TRPC6: variants seen among roughly 807,000 people sequenced by gnomAD.
The protein encoded by TRPC6 is short transient receptor potential channel 6.
A neutral mutation model predicts 90.7 loss-of-function variants in TRPC6; 55 were observed. The ratio of observed to expected loss-of-function variants is 0.61; its 90% confidence interval spans 0.49 to 0.76. The LOEUF is 0.76. Among genes scored for constraint, TRPC6 ranks in the 30% least tolerant of loss-of-function variants. The pLI is 0.00. For missense variants in TRPC6, 989 were observed against 1,122.7 expected (o/e 0.88, Z 1.70); for synonymous variants, 393 against 393.0 (o/e 1.00, Z 0.00).
chr11:101,457,555 A>G (rs1858912853), intron 10 of TRPC6, among the ~76,000 whole-genome samples: 1 of 152,176 alleles, frequency 6.6e-6, no homozygotes, highest in Admixed American at 6.6e-5. Context: ...AGAGCAATGA[A>G]CTGAAAAGGT....
intron 1 of TRPC6, among the ~76,000 whole-genome samples, chr11:101,521,188 C>G (rs190945003): frequency 4.6e-5 from 7 of 150,816 alleles, no homozygotes; most frequent in East Asian, 2.0e-4. Context: ...GCCTGGAGGA[C>G]TAGGAGGGAA....
chr11:101,545,469 A>G (rs1478333080), intron 1 of TRPC6, among the ~76,000 whole-genome samples: 1 of 152,194 alleles, frequency 6.6e-6, no homozygotes, highest in Non-Finnish European at 1.5e-5. Flanking sequence ...CTGTATATCT[A>G]TCCATTACAT....
chr11:101,480,333 G>A (rs943068658), intron 5 of TRPC6, among the ~76,000 whole-genome samples: 1 of 151,988 alleles, frequency 6.6e-6, no homozygotes, highest in Non-Finnish European at 1.5e-5. Context: ...AGTTCCAGGC[G>A]TGATATTCCT....
At chr11:101,554,203 A>G (rs1329593556) in intron 1 of TRPC6, among the ~76,000 whole-genome samples, 1 of 152,168 alleles carries the variant, frequency 6.6e-6, no homozygotes, top group African/African-American at 2.4e-5. Flanking sequence ...GTGAGACAGT[A>G]TATTCTATAC....
Position 101,455,106 on chromosome 11 carries a change from A to T in TRPC6, c.2485-5T>A. ...TGGTTGTTTATTGTGCCCAACCTGTAATTTGAAAAGATTTAGAAATGGATT... is the reference window on the plus strand; with the variant it reads ...TGGTTGTTTATTGTGCCCAACCTGTTATTTGAAAAGATTTAGAAATGGATT... On this transcript the variant is annotated splice_region_variant and splice_polypyrimidine_tract_variant and intron_variant, in intron 10 of 12. Transcript: ENST00000344327. 6.2e-7 allele frequency: 1 copy of T among 1,609,324 alleles called. No homozygotes were observed. Among genetic ancestry groups the T allele is most frequent in the Non-Finnish European group, 8.5e-7 (1 of 1,176,322 alleles).
intron 1 of TRPC6, among the ~76,000 whole-genome samples, chr11:101,569,189 C>CAA (rs201079279): frequency 1.8e-4 from 20 of 113,258 alleles, no homozygotes; most frequent in African/African-American, 3.8e-4. Flanking sequence ...AAATGGAAAG[C>CAA]AAAAAAAAAA....
At chr11:101,567,038 G>C (rs1270024897) in intron 1 of TRPC6, among the ~76,000 whole-genome samples, 1 of 146,972 alleles carries the variant, frequency 6.8e-6, no homozygotes, top group East Asian at 2.2e-4. Context: ...TCACTCCCCT[G>C]GAAAGGGGGC....
At chr11:101,537,346 A>C (rs1861073750) in intron 1 of TRPC6, among the ~76,000 whole-genome samples, 1 of 152,124 alleles carries the variant, frequency 6.6e-6, no homozygotes, top group Non-Finnish European at 1.5e-5. Context: ...CTGTTACACT[A>C]ATGCTACTGT....
intron 10 of TRPC6, among the ~76,000 whole-genome samples, chr11:101,461,879 G>A (rs919031131): frequency 3.9e-5 from 6 of 152,152 alleles, no homozygotes; most frequent in Admixed American, 3.3e-4. Context: ...CCAAGGAAGA[G>A]GAATGGGAGG....
chr11:101,575,289 G>A (rs1215255131), intron 1 of TRPC6, among the ~76,000 whole-genome samples: 3 of 152,092 alleles, frequency 2.0e-5, no homozygotes, highest in Admixed American at 6.6e-5. Context: ...ATTAGCAATC[G>A]ACACAATTTT....
chr11:101,482,751 G>A (rs1240785157), intron 5 of TRPC6, among the ~76,000 whole-genome samples, 198 bp downstream of exon 5: 9 of 152,116 alleles, frequency 5.9e-5, no homozygotes, highest in Admixed American at 1.3e-4. Flanking sequence ...TGCAAAAGGC[G>A]CACAGCATGC....
chr11:101,553,784 G>A (rs1011110489), intron 1 of TRPC6, among the ~76,000 whole-genome samples: 13 of 152,048 alleles, frequency 8.5e-5, no homozygotes, highest in African/African-American at 3.1e-4. Context: ...TTTTAGAAGA[G>A]TAAGTGCACT....
intron 1 of TRPC6, among the ~76,000 whole-genome samples, chr11:101,560,454 T>C (rs1352930319): frequency 6.6e-6 from 1 of 152,190 alleles, no homozygotes; most frequent in Non-Finnish European, 1.5e-5. Context: ...TTACTTGTTT[T>C]CATTTCTTGC....
intron 2 of TRPC6, among the ~76,000 whole-genome samples, chr11:101,495,307 C>T (rs2136715474): frequency 6.6e-6 from 1 of 152,246 alleles, no homozygotes; most frequent in African/African-American, 2.4e-5. Context: ...TCTGGCTCTT[C>T]TTTCTATATA....
At chr11:101,491,819 A>AAAATC in intron 2 of TRPC6, 81 bp from the exon 3 acceptor site, 1 of 1,079,874 alleles carries the variant, frequency 9.3e-7, no homozygotes. Flanking sequence ...AGGATTTTAT[A>AAAATC]CTTTAAGAGA....
chr11:101,483,602 G>A (rs1020488184), intron 4 of TRPC6, among the ~76,000 whole-genome samples: 2 of 152,088 alleles, frequency 1.3e-5, no homozygotes, highest in Non-Finnish European at 2.9e-5. Flanking sequence ...TCATTGACAG[G>A]CATGCAATTC....
chr11:101,517,483 T>C (rs1435775198), intron 1 of TRPC6, among the ~76,000 whole-genome samples: 1 of 152,226 alleles, frequency 6.6e-6, no homozygotes, highest in Non-Finnish European at 1.5e-5. Flanking sequence ...TCATGTTTCC[T>C]CTATGTATCC....
chr11:101,472,425 A>C, intron 7 of TRPC6, 93 bp from the exon 8 acceptor site: 1 of 1,244,314 alleles, frequency 8.0e-7, no homozygotes, highest in South Asian at 1.4e-5. Context: ...TAGTGTCTGC[A>C]AATTAGTGAG....
rs1178412066 is a variant in TRPC6, at chr11:101,482,955, C to T, written c.1504G>A (p.Val502Ile). The T allele has an allele frequency of 1.9e-6, 3 of 1,613,814 alleles. No homozygotes were observed. The highest frequency in any genetic ancestry group is 2.7e-5 in the African/African-American group (2 of 74,910). Residue 502 changes from valine (V) to isoleucine (I), a missense_variant, in exon 5 of 13, where the codon GTA becomes ATA. By Grantham distance (29) the Val-to-Ile change is conservative. Coordinates refer to ENST00000344327, the MANE Select transcript of TRPC6 (RefSeq NM_004621.6). ...ACAGAAAATCAGTCTTTACCTATTA[C>T]CCAGGATATAATGAGCATCTCCATC... Reference protein sequence around the residue: ...SWMEMLIISWVIGMIWAECKE... With the variant: ...SWMEMLIISWIIGMIWAECKE...
Sources: gnomAD v4.1 joint callset for allele counts (sites outside exome capture counted in the v4.1 genomes callset) on GRCh38, gnomAD v4.1.1 for gene constraint, MANE v1.5 for transcripts, NCBI Gene and HGNC (gene_info 2026-07-23, HGNC 2026-07-21) for gene names.